LRMDA: variants seen among roughly 807,000 people sequenced by gnomAD.
The protein encoded by LRMDA is leucine rich melanocyte differentiation associated.
In LRMDA, 18 loss-of-function variants were observed where a neutral mutation model predicts 29.8. That is an observed-to-expected ratio of 0.60 (90% CI 0.42 to 0.90). The LOEUF (loss-of-function observed/expected upper bound fraction) is 0.90. Ranked by LOEUF, LRMDA falls within the 40% of genes least tolerant of loss-of-function variation. The pLI, the probability that LRMDA is intolerant of heterozygous loss-of-function variation, is 0.00. For synonymous variants in LRMDA, 125 were observed against 109.4 expected (o/e 1.14, Z -0.89); for missense variants, 273 against 273.9 (o/e 1.00, Z 0.02).
chr10:76,292,486 A>G (rs1840354119), intron 5 of LRMDA, among the ~76,000 whole-genome samples: 1 of 152,106 alleles, frequency 6.6e-6, no homozygotes, highest in African/African-American at 2.4e-5. Flanking sequence ...GTTGCCTTGA[A>G]TGGGCAATTT....
chr10:76,204,981 A>G (rs1434207541), intron 5 of LRMDA, among the ~76,000 whole-genome samples: 1 of 152,182 alleles, frequency 6.6e-6, no homozygotes, highest in Non-Finnish European at 1.5e-5. Flanking sequence ...CACCCATGAC[A>G]GTGATATATT....
At chr10:76,476,838 C>T (rs1253641311) in intron 6 of LRMDA, among the ~76,000 whole-genome samples, 4 of 152,048 alleles carry the variant, frequency 2.6e-5, no homozygotes, top group Non-Finnish European at 5.9e-5. Flanking sequence ...AGGCCTTTGA[C>T]AAAATTCAAC....
chr10:76,212,791 A>AT (rs1485964301), intron 5 of LRMDA, among the ~76,000 whole-genome samples: 1 of 152,204 alleles, frequency 6.6e-6, no homozygotes, highest in Non-Finnish European at 1.5e-5. Flanking sequence ...TTTGCTCATA[A>AT]TCATGGAAGA....
intron 2 of LRMDA, among the ~76,000 whole-genome samples, chr10:75,782,448 T>C (rs988594804): frequency 1.4e-4 from 22 of 152,330 alleles, no homozygotes; most frequent in African/African-American, 4.8e-4. Flanking sequence ...TCTTCCTCTT[T>C]AGCAGATGGG....
At chr10:76,230,897 T>TG (rs1385379542) in intron 5 of LRMDA, among the ~76,000 whole-genome samples, 1 of 152,232 alleles carries the variant, frequency 6.6e-6, no homozygotes, top group Non-Finnish European at 1.5e-5. Flanking sequence ...TAATTATGTG[T>TG]AAATGAACTT....
chr10:76,545,840 CT>C (rs1418059616), intron 6 of LRMDA, among the ~76,000 whole-genome samples: 2 of 152,038 alleles, frequency 1.3e-5, no homozygotes, highest in African/African-American at 4.8e-5. Flanking sequence ...ACGAGTTTTA[CT>C]TTTTAAAAAG....
intron 6 of LRMDA, among the ~76,000 whole-genome samples, chr10:76,523,957 G>T (rs1223936253): frequency 2.6e-5 from 4 of 152,176 alleles, no homozygotes; most frequent in Non-Finnish European, 4.4e-5. Context: ...TAGCCCATGT[G>T]GTTGTAAAGA....
intron 2 of LRMDA, among the ~76,000 whole-genome samples, chr10:75,857,537 C>T (rs1229454983): frequency 1.3e-5 from 2 of 152,216 alleles, no homozygotes; most frequent in Admixed American, 1.3e-4. Context: ...TTCAGCATTT[C>T]TAGCAAAAGG....
intron 2 of LRMDA, among the ~76,000 whole-genome samples, chr10:75,747,582 T>A (rs1842904590): frequency 6.6e-6 from 1 of 152,354 alleles, no homozygotes; most frequent in South Asian, 2.1e-4. Context: ...TTGGTCTAAC[T>A]TTTTGTGTGA....
At chr10:76,534,521 A>T (rs189977379) in intron 6 of LRMDA, among the ~76,000 whole-genome samples, 1 of 152,326 alleles carries the variant, frequency 6.6e-6, no homozygotes, top group Non-Finnish European at 1.5e-5. Flanking sequence ...AATTGCCTGT[A>T]TTGGCCTTTT....
intron 2 of LRMDA, among the ~76,000 whole-genome samples, chr10:75,911,400 A>G (rs137950425): frequency 5.5e-4 from 83 of 152,232 alleles, no homozygotes; most frequent in Non-Finnish European, 6.5e-4. Flanking sequence ...AGACAGTGCT[A>G]CCTGAGAGAC....
chr10:76,143,943 T>C (rs1296126467), intron 5 of LRMDA, among the ~76,000 whole-genome samples: 2 of 152,240 alleles, frequency 1.3e-5, no homozygotes, highest in Admixed American at 1.3e-4. Flanking sequence ...ATTTATTAAA[T>C]AGGGAATCCT....
At chr10:75,598,275 A>G (rs918904363) in intron 2 of LRMDA, among the ~76,000 whole-genome samples, 1 of 152,166 alleles carries the variant, frequency 6.6e-6, no homozygotes, top group African/African-American at 2.4e-5. Flanking sequence ...AACTTTCGGT[A>G]GCATTTTGCA....
At chr10:75,971,923 G>C (rs1031996438) in intron 2 of LRMDA, among the ~76,000 whole-genome samples, 1 of 152,184 alleles carries the variant, frequency 6.6e-6, no homozygotes, top group African/African-American at 2.4e-5. Context: ...TCAGCCTGTG[G>C]ATTTCCATCT....
chr10:76,109,796 A>G (rs1849546581), intron 5 of LRMDA, among the ~76,000 whole-genome samples: 1 of 151,890 alleles, frequency 6.6e-6, no homozygotes, highest in Non-Finnish European at 1.5e-5. Flanking sequence ...ACCTTTGTTC[A>G]CCTCTTCTTT....
intron 5 of LRMDA, among the ~76,000 whole-genome samples, chr10:76,248,855 C>T (rs890581737): frequency 6.6e-6 from 1 of 152,138 alleles, no homozygotes; most frequent in Non-Finnish European, 1.5e-5. Flanking sequence ...TGACATTGGC[C>T]ATAATTTATC....
At chr10:75,844,247 T>C (rs770981339) in intron 2 of LRMDA, among the ~76,000 whole-genome samples, 1 of 152,194 alleles carries the variant, frequency 6.6e-6, no homozygotes, top group Non-Finnish European at 1.5e-5. Flanking sequence ...TGGCCTATGG[T>C]ATGTGGTTTC....
At chr10:76,462,575 T>C (rs1842524111) in intron 6 of LRMDA, among the ~76,000 whole-genome samples, 2 of 152,194 alleles carry the variant, frequency 1.3e-5, no homozygotes, top group African/African-American at 4.8e-5. Context: ...CAATTCCCAT[T>C]ATGAGAAGTT....
At chr10:75,848,510 G>A (rs1429083929) in intron 2 of LRMDA, among the ~76,000 whole-genome samples, 1 of 152,164 alleles carries the variant, frequency 6.6e-6, no homozygotes, top group Non-Finnish European at 1.5e-5. Context: ...TCTGTGCTAT[G>A]CTGAGTCCTG....
Sources: gnomAD v4.1 joint callset for allele counts (sites outside exome capture counted in the v4.1 genomes callset) on GRCh38, gnomAD v4.1.1 for gene constraint, MANE v1.5 for transcripts, NCBI Gene and HGNC (gene_info 2026-07-23, HGNC 2026-07-21) for gene names.